Variants in ZNF664 observed in about 807,000 individuals in gnomAD.
The protein encoded by ZNF664 is zinc finger Organ of Corti 1.
In ZNF664, 10 loss-of-function variants were observed where a neutral mutation model predicts 18.2. The ratio of observed to expected loss-of-function variants is 0.55; its 90% CI spans 0.34 to 0.93. The LOEUF is 0.93. Ranked by LOEUF, ZNF664 falls within the 40% of genes least tolerant of loss-of-function variation. ZNF664 has a pLI of 0.02. For missense variants in ZNF664, 193 were observed against 319.0 expected, an observed-to-expected ratio of 0.61 and a Z score of 3.01; for synonymous variants, 119 against 104.2, an observed-to-expected ratio of 1.14 and a Z score of -0.86.
At chr12:123,976,510 G>C (rs961455502) in intron 2 of ZNF664, among the ~76,000 whole-genome samples, 27 of 152,164 alleles carry the variant, frequency 1.8e-4, no homozygotes, top group African/African-American at 6.5e-4. Context: ...GTCATGTAGG[G>C]CAGGTTAAAG....
chr12:123,984,541 ACTT>A (rs1956802281), intron 2 of ZNF664, among the ~76,000 whole-genome samples: 1 of 151,822 alleles, frequency 6.6e-6, no homozygotes, highest in African/African-American at 2.4e-5. Context: ...GTTGGGGGAG[ACTT>A]CTGCATTGTG....
intron 3 of ZNF664, among the ~76,000 whole-genome samples, chr12:123,997,337 G>A (rs1394840271): frequency 6.6e-6 from 1 of 152,188 alleles, no homozygotes; most frequent in South Asian, 2.1e-4. Flanking sequence ...TTGGGCTGCT[G>A]TAACAAAGTA....
At chr12:124,008,923 G>A (rs907006847) in intron 3 of ZNF664, among the ~76,000 whole-genome samples, 3 of 152,034 alleles carry the variant, frequency 2.0e-5, no homozygotes, top group Non-Finnish European at 4.4e-5. Context: ...TTGCCTCTTG[G>A]TGGGGAGAGG....
intron 2 of ZNF664, among the ~76,000 whole-genome samples, chr12:123,983,668 G>A (rs754562994): frequency 6.6e-6 from 1 of 152,186 alleles, no homozygotes; most frequent in Non-Finnish European, 1.5e-5. Flanking sequence ...AGTAAATCCT[G>A]TATGTCCCTC....
chr12:123,997,162 G>A (rs905329474), intron 3 of ZNF664, among the ~76,000 whole-genome samples: 1 of 152,176 alleles, frequency 6.6e-6, no homozygotes, highest in African/African-American at 2.4e-5. Context: ...ATGACTCCGG[G>A]TTTTTAGAGC....
chr12:124,007,568 G>C (rs1294443449), intron 3 of ZNF664, among the ~76,000 whole-genome samples: 2 of 152,208 alleles, frequency 1.3e-5, no homozygotes, highest in East Asian at 3.9e-4. Flanking sequence ...GCTCAGGATT[G>C]ACTGGGGAAA....
chr12:123,988,766 ATT>A (rs11346525), intron 3 of ZNF664, among the ~76,000 whole-genome samples: 1 of 151,314 alleles, frequency 6.6e-6, no homozygotes, highest in Non-Finnish European at 1.5e-5. Context: ...TTTTTTAAAG[ATT>A]TTTTTTTCCC....
Position 124,011,614 on chromosome 12 carries a change from C to G in ZNF664, c.-531C>G. Reference sequence around the variant, plus strand: ...TTGCCATACCTGGACCCCGAGGAGCCTGCTTGCTGGAAAGGCTTTCCTGTC... The same window carrying G: ...TTGCCATACCTGGACCCCGAGGAGCGTGCTTGCTGGAAAGGCTTTCCTGTC... On this transcript the variant is annotated 5_prime_UTR_variant, in exon 5 of 5. Transcript: ENST00000337815. 6.0e-6 allele frequency: 6 copies of G among 1,005,404 alleles called. No homozygotes were observed. Among genetic ancestry groups the G allele is most frequent in the Non-Finnish European group, 7.1e-6 (6 of 845,714 alleles). The allele number at this position is 1,005,404 out of a possible 1,614,324, so 62.3% of individuals were successfully genotyped here.
chr12:123,983,851 A>G (rs1311692579), intron 2 of ZNF664, among the ~76,000 whole-genome samples: 3 of 152,248 alleles, frequency 2.0e-5, no homozygotes, highest in Non-Finnish European at 2.9e-5. Context: ...ATAACTTTAC[A>G]TTGTGATAGG....
intron 3 of ZNF664, among the ~76,000 whole-genome samples, chr12:124,001,663 G>C (rs1025081649): frequency 6.6e-6 from 1 of 152,230 alleles, no homozygotes; most frequent in East Asian, 1.9e-4. Context: ...AGCCTGAGGT[G>C]CTCAGAGCAC....
rs546807111 is a variant in ZNF664 at position 123,974,440 on chromosome 12, GCTT to G, written c.-757+424_-757+426del. 155 of 158,386 alleles carry G rather than the reference GCTT, an allele frequency of 9.8e-4. No homozygotes were observed. The Middle Eastern group carries it at 0.012, about 12-fold the overall frequency. The allele number at this position is 158,386 out of a possible 1,614,324, so 9.8% of individuals were successfully genotyped here. ...GCTGGAACGGTTTTTAGGCATTTTG[GCTT>G]CTTATTTAGAGAGGGCTCCTATTTC... On this transcript the variant is annotated intron_variant, in intron 2 of 4. Coordinates refer to ENST00000337815, the MANE Select transcript of ZNF664 (RefSeq NM_152437.3).
At chr12:123,997,122 C>G (rs1441774594) in intron 3 of ZNF664, among the ~76,000 whole-genome samples, 2 of 152,136 alleles carry the variant, frequency 1.3e-5, no homozygotes, top group African/African-American at 4.8e-5. Context: ...AAATCTGCAA[C>G]TTCTTTTTTT....
intron 2 of ZNF664, among the ~76,000 whole-genome samples, chr12:123,979,140 A>G (rs867080336): frequency 1.3e-5 from 2 of 152,232 alleles, no homozygotes; most frequent in East Asian, 3.8e-4. Context: ...GAAAGGATTG[A>G]TAAATTTGAC....
chr12:124,009,767 C>T lies in ZNF664; in HGVS notation c.-660-1614C>T, dbSNP rs549964425. On this transcript the variant is annotated intron_variant, in intron 3 of 4. Transcript: ENST00000337815. Reference sequence around the variant, plus strand: ...CTAGCCTCAAGTGATCCTCCCACCTCGGCCTCCTGGCATGCTGGGATTACA... The same window carrying T: ...CTAGCCTCAAGTGATCCTCCCACCTTGGCCTCCTGGCATGCTGGGATTACA... Among the ~76,000 whole-genome samples the T allele has an allele frequency of 1.2e-4, 18 of 152,322 alleles. No individual in the cohort carries two copies. In the South Asian group the frequency reaches 2.5e-3, roughly 21 times the overall value.
chr12:124,001,781 G>A (rs1383421612), intron 3 of ZNF664, among the ~76,000 whole-genome samples: 1 of 152,200 alleles, frequency 6.6e-6, no homozygotes, highest in African/African-American at 2.4e-5. Flanking sequence ...ACTCGGAAAG[G>A]GACTGGCTAT....
intron 3 of ZNF664, among the ~76,000 whole-genome samples, chr12:124,011,068 A>C (rs1257366246): frequency 6.6e-6 from 1 of 152,236 alleles, no homozygotes; most frequent in Non-Finnish European, 1.5e-5. Flanking sequence ...AAGTAGGAGA[A>C]TGACATTTGA....
At chr12:123,975,204 A>C (rs1420200728) in intron 2 of ZNF664, among the ~76,000 whole-genome samples, 1 of 152,156 alleles carries the variant, frequency 6.6e-6, no homozygotes, top group Non-Finnish European at 1.5e-5. Flanking sequence ...TGGTTTTATT[A>C]GCCTTTGTGA....
intron 2 of ZNF664, among the ~76,000 whole-genome samples, chr12:123,981,415 G>A (rs1956763636): frequency 6.6e-6 from 1 of 152,144 alleles, no homozygotes; most frequent in South Asian, 2.1e-4. Flanking sequence ...TGTCATGGGA[G>A]GGGACCTGGG....
rs139396280 is a variant in ZNF664, at chr12:123,979,953, G to A, written c.-757+5933G>A. On this transcript the variant is annotated intron_variant, in intron 2 of 4. Coordinates refer to ENST00000337815, the MANE Select transcript of ZNF664 (RefSeq NM_152437.3). ...CCCGCCTTGGCCTCCCAAAGTGTTG[G>A]GATTACAGGCATGAGCCACCATGTC... 3.5e-3 allele frequency among the ~76,000 whole-genome samples: 529 copies of A among 152,282 alleles called. 3 individuals carry two copies. The highest frequency in any genetic ancestry group is 0.012 in the African/African-American group (503 of 41,534).
Sources: allele counts gnomAD v4.1 joint callset (sites outside exome capture counted in the v4.1 genomes callset), GRCh38; gene constraint gnomAD v4.1.1; transcripts MANE v1.5; gene names NCBI Gene and HGNC (gene_info 2026-07-23, HGNC 2026-07-21).